RAB5C: variants seen among roughly 807,000 people sequenced by gnomAD.
RAB5C encodes the protein RAB5C, member RAS oncogene family.
A neutral mutation model predicts 25.2 loss-of-function variants in RAB5C; 4 were observed. That is an observed-to-expected ratio of 0.16 (90% CI 0.08 to 0.36). The LOEUF is 0.36. Among genes scored for constraint, RAB5C ranks in the 10% least tolerant of loss-of-function variants. RAB5C has a pLI of 1.00. For missense variants in RAB5C, 199 were observed against 283.8 expected, an observed-to-expected ratio of 0.70 and a Z score of 2.15; for synonymous variants, 100 against 106.4, an observed-to-expected ratio of 0.94 and a Z score of 0.37.
chr17:42,148,983 A>G (rs1452938693), intron 1 of RAB5C, among the ~76,000 whole-genome samples: 1 of 152,198 alleles, frequency 6.6e-6, no homozygotes, highest in Non-Finnish European at 1.5e-5. Context: ...CATGGCAAAA[A>G]TAGAAGTTTA....
At position 42,150,160 on chromosome 17, in the gene RAB5C, T is replaced by C. The variant is rs990610212; in HGVS notation, c.-89+4733A>G. On this transcript the variant is annotated intron_variant, in intron 1 of 5. Transcript: ENST00000346213. ...TCAGCCTTCCAAAGTGCTAGGATTA[T>C]AGGCGTGATCCACCACACCTGGCCC... is the stretch of plus-strand genomic sequence containing the variant. Among the ~76,000 whole-genome samples the C allele has an allele frequency of 6.6e-5, 10 of 152,062 alleles. No individual in the cohort carries two copies. In the South Asian group the frequency reaches 2.1e-3, roughly 32 times the overall value.
chr17:42,143,816 C>T (rs372874335), intron 1 of RAB5C, among the ~76,000 whole-genome samples: 1 of 152,250 alleles, frequency 6.6e-6, no homozygotes, highest in South Asian at 2.1e-4. Flanking sequence ...GACAAAGTCT[C>T]ACTCTGTTGC....
At chr17:42,140,690 G>A (rs1029630943) in intron 1 of RAB5C, among the ~76,000 whole-genome samples, 1 of 151,228 alleles carries the variant, frequency 6.6e-6, no homozygotes, top group Admixed American at 6.6e-5. Context: ...TACCCAGCTT[G>A]TATTTTTGTA....
At chr17:42,139,361 C>T (rs1323593575) in intron 1 of RAB5C, among the ~76,000 whole-genome samples, 1 of 152,254 alleles carries the variant, frequency 6.6e-6, no homozygotes, top group Admixed American at 6.5e-5. Context: ...CTACCGATTC[C>T]AAAAGGCACC....
chr17:42,127,827 G>GT lies in RAB5C; in HGVS notation c.441+433dup, dbSNP rs34288959. 7.6e-3 allele frequency among the ~76,000 whole-genome samples: 922 copies of GT among 121,092 alleles called. 4 individuals carry two copies. Among genetic ancestry groups the GT allele is most frequent in the East Asian group, 0.049 (202 of 4,102 alleles). 79.4% of individuals were successfully genotyped at this position (121,092 alleles called of 152,430 possible). On this transcript the variant is annotated intron_variant, in intron 4 of 5. Coordinates refer to ENST00000346213, the MANE Select transcript of RAB5C (RefSeq NM_004583.4). ...CAGGTGTGTGCCACCACACCTGGCTGTTTTTTTTTTTTTTTTAAAGAGATG... is the reference window on the plus strand; with the variant it reads ...CAGGTGTGTGCCACCACACCTGGCTGTTTTTTTTTTTTTTTTTAAAGAGATG...
At chr17:42,139,222 C>T (rs72820876) in intron 1 of RAB5C, among the ~76,000 whole-genome samples, 1 of 152,324 alleles carries the variant, frequency 6.6e-6, no homozygotes, top group Non-Finnish European at 1.5e-5. Flanking sequence ...CAGAAGGGCC[C>T]CAGGCTTCAT....
chr17:42,152,357 GCT>G (rs1321881766), intron 1 of RAB5C, among the ~76,000 whole-genome samples: 1 of 152,222 alleles, frequency 6.6e-6, no homozygotes, highest in East Asian at 1.9e-4. Context: ...CGGAGCCATC[GCT>G]CTCTCTGCCA....
intron 1 of RAB5C, among the ~76,000 whole-genome samples, chr17:42,142,614 G>A (rs1419736141): frequency 6.6e-6 from 1 of 152,228 alleles, no homozygotes; most frequent in African/African-American, 2.4e-5. Flanking sequence ...TGCCTGGGAT[G>A]CCTCTGACAG....
chr17:42,148,067 T>C (rs1181111462), intron 1 of RAB5C, among the ~76,000 whole-genome samples: 1 of 151,000 alleles, frequency 6.6e-6, no homozygotes, highest in Admixed American at 6.6e-5. Flanking sequence ...CATTGCACTC[T>C]AGCCTGGGCA....
chr17:42,144,272 C>T (rs1395990054), intron 1 of RAB5C, among the ~76,000 whole-genome samples: 1 of 149,838 alleles, frequency 6.7e-6, no homozygotes. Context: ...ACCTGGCCAA[C>T]ATGGTGAAAC....
In RAB5C at chr17:42,130,511, C is replaced by T; in HGVS notation, c.-9G>A. On this transcript the variant is annotated 5_prime_UTR_variant, in exon 2 of 6. Transcript: ENST00000346213. ...CCTCCCCGACCCGCCATTGCCCGTCCAGCTGTAGTGGTCCAGAGAGCGTGC... is the reference window on the plus strand; with the variant it reads ...CCTCCCCGACCCGCCATTGCCCGTCTAGCTGTAGTGGTCCAGAGAGCGTGC... 1 of 1,613,954 alleles carries T rather than the reference C, an allele frequency of 6.2e-7. No individual in the cohort carries two copies. The highest frequency in any genetic ancestry group is 8.5e-7 in the Non-Finnish European group (1 of 1,180,008).
At chr17:42,140,710 G>A (rs1306675848) in intron 1 of RAB5C, among the ~76,000 whole-genome samples, 4 of 151,614 alleles carry the variant, frequency 2.6e-5, no homozygotes, top group Non-Finnish European at 5.9e-5. Context: ...ATTTTTAGTA[G>A]AGATGAGGTT....
At chr17:42,147,140 AAGAAAGAGAGAG>A (rs59012731) in intron 1 of RAB5C, among the ~76,000 whole-genome samples, 29,902 of 148,554 alleles carry the variant, frequency 0.2, 4,145 homozygotes, top group African/African-American at 0.41. Flanking sequence ...GAAAGAAAGA[AAGAAAGAGAGAG>A]AGAGAGAGAG....
chr17:42,142,455 A>G (rs1387170856), intron 1 of RAB5C, among the ~76,000 whole-genome samples: 3 of 152,220 alleles, frequency 2.0e-5, no homozygotes, highest in Non-Finnish European at 4.4e-5. Context: ...CTGACAAAGA[A>G]AGCAGAGTTC....
chr17:42,145,568 C>A (rs1411808034), intron 1 of RAB5C, among the ~76,000 whole-genome samples: 1 of 152,214 alleles, frequency 6.6e-6, no homozygotes, highest in African/African-American at 2.4e-5. Context: ...CTGAGGTGAG[C>A]AGATCGCTTG....
At chr17:42,152,399 T>A (rs1489531974) in intron 1 of RAB5C, among the ~76,000 whole-genome samples, 1 of 152,042 alleles carries the variant, frequency 6.6e-6, no homozygotes, top group Admixed American at 6.6e-5. Flanking sequence ...TTGGACTCTA[T>A]AATTTCTAGG....
intron 1 of RAB5C, among the ~76,000 whole-genome samples, chr17:42,149,756 A>G (rs2079658101): frequency 6.6e-6 from 1 of 152,050 alleles, no homozygotes; most frequent in Admixed American, 6.6e-5. Flanking sequence ...ACCCACATCA[A>G]TTCTGTTCAA....
chr17:42,130,187 C>A, intron 2 of RAB5C, 150 bp downstream of exon 2: 1 of 1,124,478 alleles, frequency 8.9e-7, no homozygotes, highest in Non-Finnish European at 1.2e-6. Flanking sequence ...AGTTGCTGGG[C>A]TCAATTCCAG....
intron 2 of RAB5C, 123 bp from the exon 3 acceptor site, chr17:42,128,923 C>G (rs1271623151): frequency 1.0e-6 from 1 of 973,390 alleles, no homozygotes; most frequent in African/African-American, 1.7e-5. Context: ...AGAGAACCCT[C>G]AAGCCAGGAG....
Sources: gnomAD v4.1 joint callset for allele counts (sites outside exome capture counted in the v4.1 genomes callset) on GRCh38, gnomAD v4.1.1 for gene constraint, MANE v1.5 for transcripts, NCBI Gene and HGNC (gene_info 2026-07-23, HGNC 2026-07-21) for gene names.